RABGAP1L: variants seen among roughly 807,000 people sequenced by gnomAD.
The protein encoded by RABGAP1L is rab GTPase-activating protein 1-like.
In RABGAP1L, 63 loss-of-function variants were observed where a neutral mutation model predicts 137.7. The ratio of observed to expected loss-of-function variants is 0.46; its 90% CI spans 0.37 to 0.56. The LOEUF (loss-of-function observed/expected upper bound fraction) is 0.56. Among genes scored for constraint, RABGAP1L ranks in the 20% least tolerant of loss-of-function variants. RABGAP1L has a pLI of 0.00. For missense variants in RABGAP1L, 1,095 were observed against 1,244.0 expected (o/e 0.88, Z 1.80); for synonymous variants, 431 against 433.7 (o/e 0.99, Z 0.08).
At chr1:174,534,979 T>G (rs913015696) in intron 13 of RABGAP1L, among the ~76,000 whole-genome samples, 3 of 152,060 alleles carry the variant, frequency 2.0e-5, no homozygotes, top group Admixed American at 2.0e-4. Flanking sequence ...TGTGGTTTGA[T>G]TCATTGAGGT....
chr1:174,163,904 A>G (rs1258942828), intron 1 of RABGAP1L, among the ~76,000 whole-genome samples: 3 of 152,116 alleles, frequency 2.0e-5, no homozygotes, highest in African/African-American at 4.8e-5. Flanking sequence ...GCTTAGTTCC[A>G]GTAGGTGATT....
intron 4 of RABGAP1L, among the ~76,000 whole-genome samples, chr1:174,232,426 G>A (rs1242544141): frequency 6.6e-6 from 1 of 151,332 alleles, no homozygotes; most frequent in Non-Finnish European, 1.5e-5. Context: ...TGGAGGTTGC[G>A]GTGAGCCGAG....
chr1:174,866,968 G>T (rs970787776), intron 19 of RABGAP1L, among the ~76,000 whole-genome samples: 1 of 151,706 alleles, frequency 6.6e-6, no homozygotes, highest in African/African-American at 2.4e-5. Flanking sequence ...GGCGCTTGTA[G>T]TCCCAATTAC....
At chr1:174,899,859 A>G (rs531482521) in intron 19 of RABGAP1L, among the ~76,000 whole-genome samples, 42 of 152,166 alleles carry the variant, frequency 2.8e-4, no homozygotes, top group Non-Finnish European at 4.6e-4. Flanking sequence ...CCCTTGGGAT[A>G]TAACTAGAAT....
At chr1:174,425,695 A>G (rs896575683) in intron 13 of RABGAP1L, among the ~76,000 whole-genome samples, 2 of 152,080 alleles carry the variant, frequency 1.3e-5, no homozygotes, top group African/African-American at 4.8e-5. Context: ...CGGTTTAGAC[A>G]TATTTTCCAT....
chr1:174,653,685 C>A (rs1487275921), intron 14 of RABGAP1L, among the ~76,000 whole-genome samples: 1 of 152,212 alleles, frequency 6.6e-6, no homozygotes, highest in Non-Finnish European at 1.5e-5. Flanking sequence ...TAGCTGGGAG[C>A]TGCAGACTGG....
chr1:174,164,365 C>G (rs1039684664), intron 1 of RABGAP1L, among the ~76,000 whole-genome samples: 2 of 152,094 alleles, frequency 1.3e-5, no homozygotes, highest in African/African-American at 4.8e-5. Context: ...TGAAGGACAC[C>G]AGGAGATTGT....
At chr1:174,641,068 T>C (rs1423442546) in intron 14 of RABGAP1L, among the ~76,000 whole-genome samples, 1 of 151,188 alleles carries the variant, frequency 6.6e-6, no homozygotes, top group Non-Finnish European at 1.5e-5. Context: ...ACCTCATTTA[T>C]TTTTGACAAT....
chr1:174,899,961 C>A (rs1166009973), intron 19 of RABGAP1L, among the ~76,000 whole-genome samples: 1 of 151,926 alleles, frequency 6.6e-6, no homozygotes, highest in Non-Finnish European at 1.5e-5. Flanking sequence ...TCTTCAGATT[C>A]CTGAAGGACT....
intron 14 of RABGAP1L, among the ~76,000 whole-genome samples, chr1:174,651,205 T>A (rs908654173): frequency 6.6e-6 from 1 of 151,554 alleles, no homozygotes. Context: ...AGAGACAGTT[T>A]GTTATAATTT....
intron 19 of RABGAP1L, among the ~76,000 whole-genome samples, chr1:174,819,766 A>G (rs1262416353): frequency 6.6e-6 from 1 of 152,188 alleles, no homozygotes; most frequent in African/African-American, 2.4e-5. Flanking sequence ...CACTTCATCT[A>G]CCAATAAGAA....
chr1:174,441,717 AG>A (rs1384429831), intron 13 of RABGAP1L, among the ~76,000 whole-genome samples: 3 of 152,116 alleles, frequency 2.0e-5, no homozygotes, highest in Non-Finnish European at 4.4e-5. Flanking sequence ...CTGGTCAACA[AG>A]ATCGAAACTC....
chr1:174,734,765 C>T (rs1394671379), intron 17 of RABGAP1L, among the ~76,000 whole-genome samples: 1 of 152,064 alleles, frequency 6.6e-6, no homozygotes, highest in Non-Finnish European at 1.5e-5. Flanking sequence ...ATGGGTTGAC[C>T]TTCGTTCATC....
chr1:174,217,257 C>T (rs1274505720), intron 1 of RABGAP1L, among the ~76,000 whole-genome samples: 1 of 152,088 alleles, frequency 6.6e-6, no homozygotes, highest in Non-Finnish European at 1.5e-5. Context: ...CCATTTTGGT[C>T]ATGTTTCATT....
chr1:174,418,435 G>A (rs1357514523), intron 13 of RABGAP1L, among the ~76,000 whole-genome samples: 1 of 152,132 alleles, frequency 6.6e-6, no homozygotes, highest in Non-Finnish European at 1.5e-5. Context: ...TTGAATGTAA[G>A]GTCCCTGTGA....
intron 14 of RABGAP1L, among the ~76,000 whole-genome samples, chr1:174,662,255 C>T (rs548497333): frequency 6.6e-6 from 1 of 151,876 alleles, no homozygotes; most frequent in South Asian, 2.1e-4. Flanking sequence ...AGATGTGTAC[C>T]ACCACGCCCA....
intron 13 of RABGAP1L, among the ~76,000 whole-genome samples, chr1:174,463,780 C>T (rs575580185): frequency 6.6e-6 from 1 of 151,646 alleles, no homozygotes; most frequent in African/African-American, 2.4e-5. Flanking sequence ...CCATCTCACA[C>T]CAGTCAGAGT....
chr1:174,637,115 C>T (rs1452114904), intron 13 of RABGAP1L, among the ~76,000 whole-genome samples: 2 of 152,158 alleles, frequency 1.3e-5, no homozygotes, highest in Admixed American at 1.3e-4. Flanking sequence ...TATACAACTT[C>T]CCTCCATCCC....
chr1:174,606,211 T>A (rs1054160401), intron 13 of RABGAP1L, among the ~76,000 whole-genome samples: 5 of 152,188 alleles, frequency 3.3e-5, no homozygotes, highest in African/African-American at 4.8e-5. Flanking sequence ...TCAATAAAAA[T>A]TTAAAACCTT....
Sources: allele counts gnomAD v4.1 joint callset (sites outside exome capture counted in the v4.1 genomes callset), GRCh38; gene constraint gnomAD v4.1.1; transcripts MANE v1.5; gene names NCBI Gene and HGNC (gene_info 2026-07-23, HGNC 2026-07-21).